CACNA1D: variants seen among roughly 807,000 people sequenced by gnomAD.
The protein encoded by CACNA1D is calcium voltage-gated channel subunit alpha1 D.
Under a neutral mutation model 257.1 loss-of-function variants are expected in CACNA1D, and 55 were observed. That is an observed-to-expected ratio of 0.21 (90% CI 0.17 to 0.27). The LOEUF (loss-of-function observed/expected upper bound fraction) is 0.27, where lower values mean the gene tolerates loss of function less well. CACNA1D is among the 10% of genes least tolerant of loss of function. CACNA1D has a pLI of 1.00. For missense variants in CACNA1D, 1,876 were observed against 2,784.0 expected (o/e 0.67, Z 7.34); for synonymous variants, 980 against 1,014.9 (o/e 0.97, Z 0.65).
chr3:53,752,573 A>AT (rs2095235070), intron 28 of CACNA1D, among the ~76,000 whole-genome samples: 1 of 152,036 alleles, frequency 6.6e-6, no homozygotes, highest in Admixed American at 6.6e-5. Context: ...CTAATTTTGT[A>AT]TTTTTAGTAG....
In CACNA1D at chr3:53,800,888, C is replaced by T. The variant is rs1483785477; in HGVS notation, c.5041-170C>T. On this transcript the variant is annotated intron_variant, in intron 41 of 47. Transcript: ENST00000350061. This position sits in a 1 kb window ranked among gnomAD's most constrained non-coding sequence, Gnocchi z 4.3. ...ACCTTCCTCATCTCGGGGGGACCAACTGCCACACAGTCACATTCACCCTGA... is the reference window on the plus strand; with the variant it reads ...ACCTTCCTCATCTCGGGGGGACCAATTGCCACACAGTCACATTCACCCTGA... The T allele has an allele frequency of 1.5e-6, 1 of 687,032 alleles. No individual in the cohort carries two copies. Among genetic ancestry groups the T allele is most frequent in the Non-Finnish European group, 2.6e-6 (1 of 390,232 alleles). The allele number at this position is 687,032 out of a possible 1,614,324, so 42.6% of individuals were successfully genotyped here. A position where few individuals can be genotyped will look rare whatever the true frequency, so the allele number is the denominator to read the frequency against.
Position 53,747,190 on chromosome 3 carries a change from C to T in CACNA1D, c.3168-112C>T, listed in dbSNP as rs988966816. 105 of 767,768 alleles carry T rather than the reference C, an allele frequency of 1.4e-4. 1 individual carries two copies. The highest frequency in any genetic ancestry group is 1.9e-4 in the Non-Finnish European group (87 of 456,168). The allele number at this position is 767,768 out of a possible 1,614,324, so 47.6% of individuals were successfully genotyped here. On this transcript the variant is annotated intron_variant, in intron 25 of 47. Transcript: ENST00000350061. ...TATGCTCAGCTGTGTGACAGGCGGG[C>T]GGACTGAGTGTGACCTGCCTGGAGG... is the stretch of plus-strand genomic sequence containing the variant.
chr3:53,569,414 C>T (rs544356937), intron 3 of CACNA1D, among the ~76,000 whole-genome samples: 7 of 152,228 alleles, frequency 4.6e-5, no homozygotes, highest in African/African-American at 1.7e-4. Context: ...AGAATGTGGG[C>T]TCCACAATGG....
intron 8 of CACNA1D, among the ~76,000 whole-genome samples, chr3:53,689,391 G>C (rs1374491584): frequency 6.6e-6 from 1 of 151,686 alleles, no homozygotes. Flanking sequence ...CAGAGTGTTT[G>C]AAATAAGGTG....
At chr3:53,737,324 T>C (rs981428400) in intron 20 of CACNA1D, among the ~76,000 whole-genome samples, 2 of 152,200 alleles carry the variant, frequency 1.3e-5, no homozygotes, top group Admixed American at 1.3e-4. Flanking sequence ...TTGTGCAGAT[T>C]TTTTTCTTGT....
chr3:53,681,348 T>C (rs1165092711), intron 8 of CACNA1D, among the ~76,000 whole-genome samples: 1 of 152,190 alleles, frequency 6.6e-6, no homozygotes, highest in East Asian at 1.9e-4. Context: ...TCTCTGGAAA[T>C]AGGGCAACTG....
chr3:53,716,962 G>A (rs2094825919), intron 9 of CACNA1D, among the ~76,000 whole-genome samples: 1 of 152,188 alleles, frequency 6.6e-6, no homozygotes, highest in Non-Finnish European at 1.5e-5. Flanking sequence ...CCCCCTACGC[G>A]AGCTGCCTGA....
At position 53,658,270 on chromosome 3, in the gene CACNA1D, G is replaced by A. The variant is rs372004104; in HGVS notation, c.624-1863G>A. Among the ~76,000 whole-genome samples the A allele has an allele frequency of 9.4e-4, 142 of 151,832 alleles. 1 individual carries two copies. In the South Asian group the frequency reaches 0.029, roughly 31 times the overall value. Reference sequence around the variant, plus strand: ...GAGTGGAAAGGTCATTCTCTGAGTCGTTAAATCCAGTTTTGTCATTTTATA... The same window carrying A: ...GAGTGGAAAGGTCATTCTCTGAGTCATTAAATCCAGTTTTGTCATTTTATA... On this transcript the variant is annotated intron_variant, in intron 4 of 47. Coordinates refer to ENST00000350061, the MANE Select transcript of CACNA1D (RefSeq NM_001128840.3).
chr3:53,691,296 C>T (rs938568179), intron 8 of CACNA1D, among the ~76,000 whole-genome samples: 7 of 151,998 alleles, frequency 4.6e-5, no homozygotes, highest in East Asian at 1.9e-4. Context: ...CACACCACTA[C>T]GCCTGGCTAA....
intron 30 of CACNA1D, among the ~76,000 whole-genome samples, chr3:53,767,428 T>C (rs1249895328): frequency 1.3e-5 from 2 of 151,956 alleles, no homozygotes; most frequent in East Asian, 1.9e-4. Flanking sequence ...TCGGCAGGCA[T>C]GGTGGCGGGC....
chr3:53,661,304 G>A (rs141273008), intron 5 of CACNA1D, among the ~76,000 whole-genome samples: 1 of 151,828 alleles, frequency 6.6e-6, no homozygotes, highest in East Asian at 2.0e-4. Flanking sequence ...AAATTTGTTG[G>A]CACTTAGAAT....
chr3:53,630,048 G>T (rs2093805005), intron 3 of CACNA1D, among the ~76,000 whole-genome samples: 1 of 152,260 alleles, frequency 6.6e-6, no homozygotes, highest in East Asian at 1.9e-4. Context: ...CTGTTAGGTT[G>T]GTTACTTTAA....
chr3:53,501,624 C>A lies in CACNA1D; in HGVS notation c.387C>A (p.Asp129Glu). 2 of 1,546,912 alleles carry A rather than the reference C, an allele frequency of 1.3e-6. No homozygotes were observed. Among genetic ancestry groups the A allele is most frequent in the Non-Finnish European group, 1.8e-6 (2 of 1,119,940 alleles). Residue 129 changes from aspartate (D) to glutamate (E), a missense_variant, in exon 3 of 48, where the codon GAC becomes GAA. By Grantham distance (45) the Asp-to-Glu change is conservative. Around this residue, in one of 10 missense-constraint regions of CACNA1D, gnomAD observed 143 missense variants for 168.7 expected, o/e 0.85. Coordinates refer to ENST00000350061, the MANE Select transcript of CACNA1D (RefSeq NM_001128840.3). The part of the protein sequence containing the change: ...CISIVEWKPF[D>E]IFILLAIFAN... ...TAACACATTTTTTCAGACCATTTGACATATTTATATTATTGGCTATTTTTG... is the reference window on the plus strand; with the variant it reads ...TAACACATTTTTTCAGACCATTTGAAATATTTATATTATTGGCTATTTTTG...
intron 20 of CACNA1D, among the ~76,000 whole-genome samples, chr3:53,737,173 G>A (rs1056468527): frequency 5.3e-5 from 8 of 151,684 alleles, no homozygotes; most frequent in African/African-American, 1.5e-4. Context: ...GGTGGTGCAC[G>A]CCTGTAGTCC....
At chr3:53,763,250 G>A (rs147116481) in intron 30 of CACNA1D, among the ~76,000 whole-genome samples, 11 of 152,362 alleles carry the variant, frequency 7.2e-5, no homozygotes, top group African/African-American at 1.4e-4. Flanking sequence ...GTGTCAGTCC[G>A]CCTTTGTTAC....
At chr3:53,529,870 G>A (rs1345807591) in intron 3 of CACNA1D, among the ~76,000 whole-genome samples, 1 of 152,068 alleles carries the variant, frequency 6.6e-6, no homozygotes, top group Non-Finnish European at 1.5e-5. Context: ...AGTTAATAAG[G>A]TTTTATTGTA....
chr3:53,772,627 G>A (rs1308994576), intron 32 of CACNA1D, among the ~76,000 whole-genome samples: 2 of 152,232 alleles, frequency 1.3e-5, no homozygotes, highest in African/African-American at 4.8e-5. Flanking sequence ...TTGTAACACT[G>A]GGCGTGCATG....
intron 3 of CACNA1D, among the ~76,000 whole-genome samples, chr3:53,538,179 G>A (rs989714237): frequency 5.5e-5 from 6 of 109,116 alleles, no homozygotes; most frequent in East Asian, 2.6e-4. Context: ...ACAGAGTCTC[G>A]TTCTATCTCC....
intron 3 of CACNA1D, among the ~76,000 whole-genome samples, chr3:53,569,820 T>C (rs1051780600): frequency 6.6e-6 from 1 of 152,250 alleles, no homozygotes; most frequent in Non-Finnish European, 1.5e-5. Flanking sequence ...GCTCTGCTGC[T>C]AAATAGCTAC....
Sources: gnomAD v4.1 joint callset for allele counts (sites outside exome capture counted in the v4.1 genomes callset) on GRCh38, gnomAD v4.1.1 for gene constraint, gnomAD v4.1.1 regional missense constraint, Gnocchi (gnomAD v3.1) non-coding constraint, MANE v1.5 for transcripts, NCBI Gene and HGNC (gene_info 2026-07-23, HGNC 2026-07-21) for gene names.